The following TGFBR3 variants were observed in gnomAD, a reference collection of about 807,000 sequenced individuals.
TGFBR3 encodes the protein transforming growth factor beta receptor type 3.
Under a neutral mutation model 87.9 loss-of-function variants are expected in TGFBR3, and 46 were observed. The ratio of observed to expected loss-of-function variants is 0.52; its 90% CI spans 0.41 to 0.67. The LOEUF is 0.67. TGFBR3 is among the 30% of genes least tolerant of loss of function. The pLI, the probability that TGFBR3 is intolerant of heterozygous loss-of-function variation, is 0.00. For synonymous variants in TGFBR3, 381 were observed against 391.6 expected (o/e 0.97, Z 0.32); for missense variants, 866 against 1,041.9 (o/e 0.83, Z 2.32).
intron 4 of TGFBR3, among the ~76,000 whole-genome samples, chr1:91,744,172 C>T (rs979453503): frequency 1.3e-5 from 2 of 150,796 alleles, no homozygotes; most frequent in African/African-American, 4.9e-5. Context: ...GCAGTCTCTG[C>T]CTCCCAGGTT....
At chr1:91,732,981 C>T (rs1401395614) in intron 5 of TGFBR3, among the ~76,000 whole-genome samples, 1 of 152,206 alleles carries the variant, frequency 6.6e-6, no homozygotes, top group Non-Finnish European at 1.5e-5. Flanking sequence ...TTCTTTCATG[C>T]TACTAGAATT....
intron 2 of TGFBR3, among the ~76,000 whole-genome samples, chr1:91,804,881 G>C (rs973769080): frequency 6.6e-6 from 1 of 152,170 alleles, no homozygotes; most frequent in Non-Finnish European, 1.5e-5. Flanking sequence ...AGAGCCAAGT[G>C]AGTGACATGC....
chr1:91,882,980 A>C (rs2101297513), intron 1 of TGFBR3, among the ~76,000 whole-genome samples: 1 of 152,300 alleles, frequency 6.6e-6, no homozygotes, highest in South Asian at 2.1e-4. Flanking sequence ...TGCACTTAGA[A>C]GATGTTAATG....
chr1:91,773,896 G>C (rs948275375), intron 3 of TGFBR3, among the ~76,000 whole-genome samples: 2 of 152,202 alleles, frequency 1.3e-5, no homozygotes, highest in Non-Finnish European at 2.9e-5. Flanking sequence ...GTCTTGAAAT[G>C]CTGGCTTGAA....
chr1:91,723,097 G>A (rs1012069), intron 7 of TGFBR3, among the ~76,000 whole-genome samples: 43,312 of 151,950 alleles, frequency 0.29, 6,375 homozygotes, highest in Middle Eastern at 0.38. Context: ...GAATATACTT[G>A]TATCTTCTAT....
intron 4 of TGFBR3, 53 bp downstream of exon 4, chr1:91,758,560 G>A: frequency 4.4e-6 from 7 of 1,608,860 alleles, no homozygotes; most frequent in Non-Finnish European, 6.0e-6. Flanking sequence ...AAAGTTTAAG[G>A]ACCATTATGT....
intron 2 of TGFBR3, among the ~76,000 whole-genome samples, chr1:91,841,135 C>A (rs1677261931): frequency 6.6e-6 from 1 of 152,096 alleles, no homozygotes; most frequent in African/African-American, 2.4e-5. Context: ...TCAAAAATGT[C>A]TGCCAAATAC....
At chr1:91,790,323 C>T (rs1018220535) in intron 3 of TGFBR3, among the ~76,000 whole-genome samples, 1 of 152,174 alleles carries the variant, frequency 6.6e-6, no homozygotes, top group African/African-American at 2.4e-5. Flanking sequence ...AGCCTAGTAG[C>T]CATGGGCTAT....
At chr1:91,708,165 T>G (rs17879478) in intron 14 of TGFBR3, among the ~76,000 whole-genome samples, 19,971 of 152,216 alleles carry the variant, frequency 0.13, 1,587 homozygotes, top group East Asian at 0.39. Context: ...AAACTGAATT[T>G]TAAGATGCAT....
intron 2 of TGFBR3, among the ~76,000 whole-genome samples, chr1:91,859,698 A>C (rs1678099527): frequency 6.6e-6 from 1 of 152,022 alleles, no homozygotes; most frequent in Non-Finnish European, 1.5e-5. Context: ...GGCTGAGGCC[A>C]GGAGATCGAG....
At chr1:91,891,549 T>C (rs962902953) in intron 2 of TGFBR3, among the ~76,000 whole-genome samples, 2 of 148,824 alleles carry the variant, frequency 1.3e-5, no homozygotes, top group Non-Finnish European at 3.0e-5. Context: ...AAGATAAAAA[T>C]GAAAGTTTGT....
intron 2 of TGFBR3, among the ~76,000 whole-genome samples, chr1:91,853,692 G>T (rs1383345680): frequency 6.6e-6 from 1 of 152,132 alleles, no homozygotes; most frequent in Non-Finnish European, 1.5e-5. Context: ...TATCATATAT[G>T]ATCAAACTTA....
chr1:91,683,152 G>A lies in TGFBR3; in HGVS notation c.*587C>T, dbSNP rs775809577. 30 of 454,584 alleles carry A rather than the reference G, an allele frequency of 6.6e-5. No homozygotes were observed. The highest frequency in any genetic ancestry group is 6.9e-4 in the Middle Eastern group (1 of 1,444). The allele number at this position is 454,584 out of a possible 1,614,324, so 28.2% of individuals were successfully genotyped here. ...TAACACTTGTCAGGGTGCAGTCCCT[G>A]AGGGCAGCACCCATCAAGGGACACA... is the stretch of plus-strand genomic sequence containing the variant. On this transcript the variant is annotated 3_prime_UTR_variant, in exon 17 of 17. Transcript: ENST00000212355.
chr1:91,706,451 T>G (rs925531777), intron 14 of TGFBR3, among the ~76,000 whole-genome samples: 1 of 152,098 alleles, frequency 6.6e-6, no homozygotes, highest in Non-Finnish European at 1.5e-5. Context: ...TAAAAGACAC[T>G]CTCACCAGCA....
chr1:91,834,818 A>G (rs554395141), intron 2 of TGFBR3, among the ~76,000 whole-genome samples: 4 of 152,266 alleles, frequency 2.6e-5, no homozygotes, highest in African/African-American at 9.6e-5. Flanking sequence ...AGTTGAGATT[A>G]CAGGCGCCTG....
chr1:91,691,602 G>A (rs915641249), intron 16 of TGFBR3, among the ~76,000 whole-genome samples: 1 of 152,168 alleles, frequency 6.6e-6, no homozygotes, highest in Non-Finnish European at 1.5e-5. Flanking sequence ...TCCTCTGTAC[G>A]CTTTAAACCA....
intron 4 of TGFBR3, among the ~76,000 whole-genome samples, chr1:91,742,876 C>T (rs1673204308): frequency 1.3e-5 from 2 of 152,170 alleles, no homozygotes; most frequent in African/African-American, 4.8e-5. Context: ...CAGAACATTA[C>T]TCTATCTGCC....
At chr1:91,895,905 T>C (rs1036544256) in intron 2 of TGFBR3, among the ~76,000 whole-genome samples, 1 of 152,202 alleles carries the variant, frequency 6.6e-6, no homozygotes, top group Non-Finnish European at 1.5e-5. Flanking sequence ...TCTCTGTCTC[T>C]TTAACCCCAC....
chr1:91,835,459 G>A (rs1677023596), intron 2 of TGFBR3, among the ~76,000 whole-genome samples: 1 of 152,182 alleles, frequency 6.6e-6, no homozygotes, highest in Non-Finnish European at 1.5e-5. Context: ...AAGGTTGGGG[G>A]CTTAGTCAAC....
Sources: allele counts gnomAD v4.1 joint callset (sites outside exome capture counted in the v4.1 genomes callset), GRCh38; gene constraint gnomAD v4.1.1; transcripts MANE v1.5; gene names NCBI Gene and HGNC (gene_info 2026-07-23, HGNC 2026-07-21).